CHD4: variants seen among roughly 807,000 people sequenced by gnomAD.
CHD4 encodes chromodomain helicase DNA binding protein 4.
In CHD4, 35 loss-of-function variants were observed where a neutral mutation model predicts 235.5. The ratio of observed to expected loss-of-function variants is 0.15; its 90% CI spans 0.11 to 0.20. CHD4 has a LOEUF of 0.20. Ranked by LOEUF, CHD4 falls within the 10% of genes least tolerant of loss-of-function variation. The probability of loss-of-function intolerance (pLI) is 1.00; values close to 1 mark genes in which losing one functional copy is unlikely to be tolerated. For missense variants in CHD4, 1,329 were observed against 2,432.3 expected, an observed-to-expected ratio of 0.55 and a Z score of 9.54; for synonymous variants, 900 against 850.2, an observed-to-expected ratio of 1.06 and a Z score of -1.02.
At position 6,593,422 on chromosome 12, in the gene CHD4, G is replaced by A. The variant is rs1948434390; in HGVS notation, c.2508C>T (p.Arg836=). Residue 836 remains arginine (R), a synonymous_variant, in exon 16 of 40, where the codon CGC becomes CGT. Transcript: ENST00000544040. The surrounding 1 kb of genome is among the most constrained non-coding windows in gnomAD (Gnocchi z 4.9). ...CTTCCCTCCCCTGAGATACCTTCAT[G>A]CGGGAGGCCTTCTTGCCACCACGAA... is the stretch of plus-strand genomic sequence containing the variant. ...NAIRGGKKAS[R]MKKEASVKFH... is the part of the protein sequence containing the mutation. The A allele has an allele frequency of 6.2e-7, 1 of 1,613,956 alleles. No homozygotes were observed. Among genetic ancestry groups the A allele is most frequent in the Non-Finnish European group, 8.5e-7 (1 of 1,179,868 alleles).
At chr12:6,591,028 C>T (rs192366569) in intron 22 of CHD4, among the ~76,000 whole-genome samples, 128 of 145,338 alleles carry the variant, frequency 8.8e-4, no homozygotes, top group Non-Finnish European at 6.1e-4. Flanking sequence ...GAGGCTGAGG[C>T]AGGAGAACTG....
rs1419734968 is a variant in CHD4 at position 6,570,559 on chromosome 12, C to A, written c.*117G>T. ...GTGCACTGGGGCTGTTCCTTTACAA[C>A]ATGGAAGATGGGCAGAAGGAAGGTG... On this transcript the variant is annotated 3_prime_UTR_variant, in exon 40 of 40. Transcript: ENST00000544040. 2 of 1,309,836 alleles carry A rather than the reference C, an allele frequency of 1.5e-6. No homozygotes were observed. The highest frequency in any genetic ancestry group is 2.9e-5 in the African/African-American group (2 of 68,824). 81.1% of individuals were successfully genotyped at this position (1,309,836 alleles called of 1,614,324 possible).
chr12:6,574,530 A>C (rs1391274581), intron 37 of CHD4, among the ~76,000 whole-genome samples: 1 of 152,228 alleles, frequency 6.6e-6, no homozygotes, highest in Non-Finnish European at 1.5e-5. Flanking sequence ...CATAAAACAT[A>C]TGACTCAACA....
chr12:6,591,961 A>G lies in CHD4; in HGVS notation c.3045T>C (p.Leu1015=). ...QVSLLNVVMD[L]KKCCNHPYLF... ...GGTATGGATGGTTGCAGCACTTCTT[A>G]AGATCCATCACCACATTCAGCAGAG... The change falls in exon 20 of 40, where the codon CTT becomes CTC. Residue 1015 remains leucine, a synonymous_variant. Coordinates refer to ENST00000544040, the MANE Select transcript of CHD4 (RefSeq NM_001273.5). The G allele has an allele frequency of 6.2e-7, 1 of 1,614,250 alleles. No homozygotes were observed. Among genetic ancestry groups the G allele is most frequent in the Non-Finnish European group, 8.5e-7 (1 of 1,180,048 alleles).
Position 6,581,189 on chromosome 12 carries a change from AAAC to A in CHD4, c.4780-19_4780-17del. ...CCTGTGTACACTTCAAAGGAAAAAA[AAAC>A]AAAAACAAAACAGATGAAGCAGACA... is the stretch of plus-strand genomic sequence containing the variant. On this transcript the variant is annotated splice_polypyrimidine_tract_variant and intron_variant, in intron 32 of 39. Coordinates refer to ENST00000544040, the MANE Select transcript of CHD4 (RefSeq NM_001273.5). 6.2e-7 allele frequency: 1 copy of A among 1,610,350 alleles called. No homozygotes were observed. Among genetic ancestry groups the A allele is most frequent in the Non-Finnish European group, 8.5e-7 (1 of 1,179,014 alleles).
intron 22 of CHD4, among the ~76,000 whole-genome samples, chr12:6,588,816 A>C (rs979317931): frequency 6.6e-6 from 1 of 151,958 alleles, no homozygotes; most frequent in African/African-American, 2.4e-5. Context: ...ATGGTGGCAC[A>C]CGCCTGTAGT....
In CHD4 at chr12:6,602,645, G is replaced by C. The variant is rs953142239; in HGVS notation, c.101-148C>G. On this transcript the variant is annotated intron_variant, in intron 2 of 39. Transcript: ENST00000544040. Reference sequence around the variant, plus strand: ...GCTATACTCTGTACAGGAGGAAGCTGATACCCAGGACAAAAACAGACAAAG... The same window carrying C: ...GCTATACTCTGTACAGGAGGAAGCTCATACCCAGGACAAAAACAGACAAAG... The C allele has an allele frequency of 3.6e-6, 4 of 1,118,830 alleles. No individual in the cohort carries two copies. The African/African-American group carries it at 4.7e-5, about 13-fold the overall frequency. 69.3% of individuals were successfully genotyped at this position (1,118,830 alleles called of 1,614,324 possible).
At chr12:6,573,510 A>G (rs567907186) in intron 37 of CHD4, 343 of 309,618 alleles carry the variant, frequency 1.1e-3, no homozygotes, top group African/African-American at 6.1e-3. Flanking sequence ...TACAAAAGCG[A>G]TAAAAACTCA....
chr12:6,582,194 G>A lies in CHD4; in HGVS notation c.4458C>T (p.Gly1486=). The part of the protein sequence containing the change: ...ETFADGVPRE[G]LSRQHVLTRI... ...TAGTAAGGACATGCTGGCGAGACAGGCCTTCTCGGGGGACACCATCAGCAA... is the reference window on the plus strand; with the variant it reads ...TAGTAAGGACATGCTGGCGAGACAGACCTTCTCGGGGGACACCATCAGCAA... Residue 1486 remains glycine, a synonymous_variant, in exon 30 of 40, where the codon GGC becomes GGT. Transcript: ENST00000544040. The A allele has an allele frequency of 6.2e-7, 1 of 1,601,916 alleles. No homozygotes were observed. The highest frequency in any genetic ancestry group is 2.2e-5 in the East Asian group (1 of 44,516).
chr12:6,585,307 C>T (rs776684921), intron 25 of CHD4, among the ~76,000 whole-genome samples: 14 of 151,950 alleles, frequency 9.2e-5, no homozygotes, highest in South Asian at 2.1e-4. Flanking sequence ...CTTTTTGAGA[C>T]GGAGTCTGGC....
chr12:6,596,317 C>T (rs1236634516), intron 12 of CHD4, among the ~76,000 whole-genome samples, 180 bp from the exon 13 acceptor site: 1 of 152,150 alleles, frequency 6.6e-6, no homozygotes, highest in Non-Finnish European at 1.5e-5. Context: ...TTATACTTTC[C>T]TAGAGCTCAA....
At position 6,595,996 on chromosome 12, in the gene CHD4, A is replaced by T. The variant is rs1041171955; in HGVS notation, c.2024+10T>A. The T allele has an allele frequency of 2.5e-6, 4 of 1,604,098 alleles. No homozygotes were observed. In the South Asian group the frequency reaches 3.4e-5, roughly 14 times the overall value. ...AGAAACAACTCTATGCCTCACCCAA[A>T]ATCACTCACCTGTGATTCCAATAGC... On this transcript the variant is annotated intron_variant, in intron 13 of 39. Coordinates refer to ENST00000544040, the MANE Select transcript of CHD4 (RefSeq NM_001273.5).
At chr12:6,572,561 T>C (rs902064459) in intron 38 of CHD4, among the ~76,000 whole-genome samples, 1 of 151,818 alleles carries the variant, frequency 6.6e-6, no homozygotes, top group African/African-American at 2.4e-5. Flanking sequence ...TGAGAGCCCA[T>C]CTCTTTTTTT....
intron 36 of CHD4, 31 bp from the exon 37 acceptor site, chr12:6,577,948 C>G: frequency 6.2e-7 from 1 of 1,613,092 alleles, no homozygotes; most frequent in Non-Finnish European, 8.5e-7. Flanking sequence ...AAAAACAAAA[C>G]AAGGAAAGTA....
chr12:6,606,426 G>C lies in CHD4; in HGVS notation c.-53C>G, dbSNP rs905436603. On this transcript the variant is annotated 5_prime_UTR_variant, in exon 2 of 40. Transcript: ENST00000544040. ...GCCCAGCTGCTCCTGCCGGCGGCCT[G>C]AGGACCTCTACACTGGCCCGAGTCA... 7.8e-7 allele frequency: 1 copy of C among 1,285,290 alleles called. No individual in the cohort carries two copies. The highest frequency in any genetic ancestry group is 1.1e-6 in the Non-Finnish European group (1 of 916,514). 79.6% of individuals were successfully genotyped at this position (1,285,290 alleles called of 1,614,324 possible).
At chr12:6,591,300 G>C in intron 22 of CHD4, 166 bp downstream of exon 22, 1 of 598,200 alleles carries the variant, frequency 1.7e-6, no homozygotes, top group African/African-American at 1.9e-5. Context: ...AATCTCCTAG[G>C]AATAGTCCAA....
chr12:6,606,317 A>G lies in CHD4; in HGVS notation c.57T>C (p.Asp19=). 1 of 1,578,954 alleles carries G rather than the reference A, an allele frequency of 6.3e-7. No homozygotes were observed. Among genetic ancestry groups the G allele is most frequent in the Middle Eastern group, 1.7e-4 (1 of 5,946 alleles). The change falls in exon 2 of 40, where the codon GAT becomes GAC. Residue 19 remains aspartate, a synonymous_variant. Transcript: ENST00000544040. The part of the protein sequence containing the change: ...SPCSAGSEEE[D]MDALLNNSLP... The stretch of plus-strand genomic sequence containing the variant: ...GGCTGTTGTTCAAAAGTGCATCCAT[A>G]TCCTCCTCCTCACTGCCCGCCGAGC...
At chr12:6,582,816 C>T (rs773655988) in intron 28 of CHD4, 32 bp downstream of exon 28, 2 of 1,613,986 alleles carry the variant, frequency 1.2e-6, no homozygotes, top group South Asian at 2.2e-5. Context: ...ATATCTGACA[C>T]TCACCCCTCC....
At chr12:6,594,114 T>C (rs1948445399) in intron 15 of CHD4, among the ~76,000 whole-genome samples, 1 of 152,126 alleles carries the variant, frequency 6.6e-6, no homozygotes, top group African/African-American at 2.4e-5. Flanking sequence ...GGATTACAGG[T>C]ATGAGCCACT....
Sources: allele counts gnomAD v4.1 joint callset (sites outside exome capture counted in the v4.1 genomes callset), GRCh38; gene constraint gnomAD v4.1.1; non-coding constraint Gnocchi (gnomAD v3.1); transcripts MANE v1.5; gene names NCBI Gene and HGNC (gene_info 2026-07-23, HGNC 2026-07-21).